Variants in RYR2 observed in about 807,000 individuals in gnomAD.
RYR2 encodes cardiac muscle ryanodine receptor-calcium release channel.
A neutral mutation model predicts 601.1 loss-of-function variants in RYR2; 227 were observed. The ratio of observed to expected loss-of-function variants is 0.38; its 90% CI spans 0.34 to 0.42. The LOEUF (loss-of-function observed/expected upper bound fraction) is 0.42. Ranked by LOEUF, RYR2 falls within the 10% of genes least tolerant of loss-of-function variation. The pLI, the probability that RYR2 is intolerant of heterozygous loss-of-function variation, is 1.00. For missense variants in RYR2, 4,646 were observed against 6,156.5 expected (o/e 0.75, Z 8.21); for synonymous variants, 2,223 against 2,175.1 (o/e 1.02, Z -0.61).
chr1:237,589,927 A>C lies in RYR2; in HGVS notation c.3733A>C (p.Arg1245=), dbSNP rs2148431186. The C allele has an allele frequency of 6.2e-7, 1 of 1,613,980 alleles. No homozygotes were observed. The highest frequency in any genetic ancestry group is 1.3e-5 in the African/African-American group (1 of 75,072). The part of the protein sequence containing the change: ...GYEPFAVNTN[R]DITMWLSKRL... ...TGAACCATTTGCCGTTAATACAAACAGGGATATTACCATGTGGCTGAGCAA... is the reference window on the plus strand; with the variant it reads ...TGAACCATTTGCCGTTAATACAAACCGGGATATTACCATGTGGCTGAGCAA... The change falls in exon 30 of 105, where the codon AGG becomes CGG. Residue 1245 remains arginine (R), a synonymous_variant. Coordinates refer to ENST00000366574, the MANE Select transcript of RYR2 (RefSeq NM_001035.3).
chr1:237,311,482 C>CT (rs574868634), intron 2 of RYR2, among the ~76,000 whole-genome samples: 1,664 of 141,116 alleles, frequency 0.012, 21 homozygotes, highest in African/African-American at 0.028. Flanking sequence ...AGAAAAAATC[C>CT]TTTTTTTTTT....
intron 84 of RYR2, 45 bp downstream of exon 84, chr1:237,761,073 C>A (rs1426747293): frequency 9.0e-7 from 1 of 1,105,374 alleles, no homozygotes; most frequent in Middle Eastern, 1.9e-4. Flanking sequence ...TCCCTTCCCT[C>A]CCTGAAACGA....
At chr1:237,377,743 A>T (rs185509260) in intron 8 of RYR2, among the ~76,000 whole-genome samples, 1 of 152,334 alleles carries the variant, frequency 6.6e-6, no homozygotes, top group East Asian at 1.9e-4. Flanking sequence ...ATCAGGAATT[A>T]AAAATTCTAT....
Position 237,503,397 on chromosome 1 carries a change from A to G in RYR2, c.2505A>G (p.Glu835=). The change falls in exon 22 of 105, where the codon GAA becomes GAG. Residue 835 remains glutamate (E), a synonymous_variant. Coordinates refer to ENST00000366574, the MANE Select transcript of RYR2 (RefSeq NM_001035.3). ...AVLPKEKLKV[E]HSREYKQERT... ...TGCCAAAAGAAAAGTTGAAAGTGGA[A>G]CACAGCCGAGAGTACAAGCAAGAAA... 1 of 1,613,948 alleles carries G rather than the reference A, an allele frequency of 6.2e-7. No homozygotes were observed. The highest frequency in any genetic ancestry group is 8.5e-7 in the Non-Finnish European group (1 of 1,179,888).
chr1:237,492,846 A>AGGAC, intron 18 of RYR2, 108 bp from the exon 19 acceptor site: 1 of 1,108,232 alleles, frequency 9.0e-7, no homozygotes, highest in Non-Finnish European at 1.2e-6. Context: ...GAAGGAAGGA[A>AGGAC]GGAAGGAAGG....
rs369512347 is a variant in RYR2 at position 237,388,129 on chromosome 1, A to G, written c.719A>G (p.His240Arg). The change falls in exon 10 of 105, where the codon CAC becomes CGC. Residue 240 changes from histidine to arginine, a missense_variant. His to Arg is a conservative substitution (Grantham distance 29, BLOSUM62 0). Coordinates refer to ENST00000366574, the MANE Select transcript of RYR2 (RefSeq NM_001035.3). The part of the protein sequence containing the change: ...GGDVLRLLHG[H>R]MDECLTVPSG... ...GATGTCCTCAGGTTGCTGCATGGAC[A>G]CATGGACGAGTGTCTCACTGTCCCT... is the stretch of plus-strand genomic sequence containing the variant. 11 of 1,613,874 alleles carry G rather than the reference A, an allele frequency of 6.8e-6. No homozygotes were observed. Among genetic ancestry groups the G allele is most frequent in the Non-Finnish European group, 9.3e-6 (11 of 1,179,904 alleles).
chr1:237,491,817 G>T lies in RYR2; in HGVS notation c.1720G>T (p.Val574Phe). The change falls in exon 18 of 105, where the codon GTT (valine) becomes TTT (phenylalanine). Residue 574 changes from valine (V) to phenylalanine (F), a missense_variant. Transcript: ENST00000366574. ...RLEASSGILE[V>F]LHCVLVESPE... ...TGTTTTATCTTTAGGCATTCTGGAA[G>T]TTTTACACTGTGTTTTAGTAGAAAG... 7.0e-7 allele frequency: 1 copy of T among 1,438,012 alleles called. No individual in the cohort carries two copies. The highest frequency in any genetic ancestry group is 9.6e-7 in the Non-Finnish European group (1 of 1,042,306). The allele number at this position is 1,438,012 out of a possible 1,614,324, so 89.1% of individuals were successfully genotyped here. A position where few individuals can be genotyped will look rare whatever the true frequency, so the allele number is the denominator to read the frequency against.
intron 2 of RYR2, among the ~76,000 whole-genome samples, chr1:237,318,145 T>C (rs563689699): frequency 3.4e-5 from 5 of 147,294 alleles, no homozygotes; most frequent in Non-Finnish European, 7.4e-5. Context: ...GATTGCAATA[T>C]GTGTTATTTT....
At chr1:237,641,832 G>T (rs142100428) in intron 47 of RYR2, among the ~76,000 whole-genome samples, 1 of 152,164 alleles carries the variant, frequency 6.6e-6, no homozygotes, top group Non-Finnish European at 1.5e-5. Context: ...GTGAGCCAGC[G>T]TACCCAGCCT....
chr1:237,516,059 T>G (rs1434457394), intron 24 of RYR2, among the ~76,000 whole-genome samples: 1 of 151,768 alleles, frequency 6.6e-6, no homozygotes, highest in East Asian at 1.9e-4. Flanking sequence ...CTCCTCCTCC[T>G]CTTCTTTTTT....
At chr1:237,317,717 T>C (rs1220976731) in intron 2 of RYR2, among the ~76,000 whole-genome samples, 1 of 152,114 alleles carries the variant, frequency 6.6e-6, no homozygotes, top group Non-Finnish European at 1.5e-5. Context: ...ATGACCTAAT[T>C]TCACTTTCAA....
At chr1:237,506,353 C>T (rs368743410) in intron 22 of RYR2, among the ~76,000 whole-genome samples, 25 of 151,928 alleles carry the variant, frequency 1.6e-4, no homozygotes, top group African/African-American at 5.6e-4. Flanking sequence ...CTGGCTAACA[C>T]GGTGAAACCC....
intron 1 of RYR2, among the ~76,000 whole-genome samples, chr1:237,162,803 G>T (rs1294309459): frequency 1.3e-5 from 2 of 152,140 alleles, no homozygotes; most frequent in Non-Finnish European, 2.9e-5. Flanking sequence ...GGGTTTTGTG[G>T]GCTGGAAAGA....
At chr1:237,669,976 C>T (rs1022482442) in intron 58 of RYR2, among the ~76,000 whole-genome samples, 7 of 152,102 alleles carry the variant, frequency 4.6e-5, no homozygotes, top group Non-Finnish European at 8.8e-5. Context: ...GAGATCACGC[C>T]ACTGCACTCC....
Position 237,828,310 on chromosome 1 carries a change from G to A in RYR2, c.14591-71G>A, listed in dbSNP as rs867299222. 5.8e-5 allele frequency: 63 copies of A among 1,091,414 alleles called. No individual in the cohort carries two copies. The Middle Eastern group carries it at 1.6e-3, about 28-fold the overall frequency. 67.6% of individuals were successfully genotyped at this position (1,091,414 alleles called of 1,614,324 possible). A position where few individuals can be genotyped will look rare whatever the true frequency, so the allele number is the denominator to read the frequency against. On this transcript the variant is annotated intron_variant, in intron 101 of 104. Transcript: ENST00000366574. ...TAGTTGTACATCTCCCCTTTCCCTG[G>A]GGGGATTAGCCAAGGAACTGAATTA...
chr1:237,567,080 G>A (rs1423795813), intron 28 of RYR2, among the ~76,000 whole-genome samples: 4 of 148,008 alleles, frequency 2.7e-5, no homozygotes, highest in African/African-American at 7.5e-5. Flanking sequence ...CAGCGATTCC[G>A]TATCAGGAGT....
At chr1:237,754,666 C>T (rs938329683) in intron 80 of RYR2, among the ~76,000 whole-genome samples, 1 of 152,178 alleles carries the variant, frequency 6.6e-6, no homozygotes, top group African/African-American at 2.4e-5. Flanking sequence ...AGCGAAAGTT[C>T]CACATGGAGC....
intron 100 of RYR2, among the ~76,000 whole-genome samples, chr1:237,810,809 T>A (rs1480087719): frequency 1.5e-5 from 2 of 130,384 alleles, no homozygotes; most frequent in African/African-American, 2.8e-5. Context: ...ATATATAAAT[T>A]ACATTTTAAT....
At chr1:237,507,807 A>G (rs567544695) in intron 23 of RYR2, among the ~76,000 whole-genome samples, 1 of 152,354 alleles carries the variant, frequency 6.6e-6, no homozygotes, top group East Asian at 1.9e-4. Flanking sequence ...ACTGGAATCA[A>G]GGTTTTCTAA....
Sources: gnomAD v4.1 joint callset for allele counts (sites outside exome capture counted in the v4.1 genomes callset) on GRCh38, gnomAD v4.1.1 for gene constraint, MANE v1.5 for transcripts, NCBI Gene and HGNC (gene_info 2026-07-23, HGNC 2026-07-21) for gene names.